The following GPRIN1 variants were observed in gnomAD, a reference collection of about 807,000 sequenced individuals.
GPRIN1 encodes G protein regulated inducer of neurite outgrowth 1.
Under a neutral mutation model 2.8 loss-of-function variants are expected in GPRIN1, and 4 were observed. The observed-to-expected ratio is 1.45, with a 90% CI of 0.71 to 3.32. GPRIN1 has a LOEUF of 3.32. Ranked by LOEUF, GPRIN1 falls within the 30% of genes most tolerant of loss-of-function variation. The probability of loss-of-function intolerance (pLI) is 0.01; values close to 1 mark genes in which losing one functional copy is unlikely to be tolerated. For synonymous variants in GPRIN1, 589 were observed against 589.9 expected, an observed-to-expected ratio of 1.00 and a Z score of 0.02; for missense variants, 1,322 against 1,343.4, an observed-to-expected ratio of 0.98 and a Z score of 0.25.
rs1446621190 is a variant in GPRIN1 at position 176,602,883 on chromosome 5, G to A, written c.-43-3006C>T. Among the ~76,000 whole-genome samples, 2 of 152,158 alleles carry A rather than the reference G, an allele frequency of 1.3e-5. No homozygotes were observed. Among genetic ancestry groups the A allele is most frequent in the Non-Finnish European group, 2.9e-5 (2 of 68,024 alleles). ...AGGCCAGGGGACAGCATCGCTACTG[G>A]GATCCCACGCGTGTAGCCAAGGAAA... is the stretch of plus-strand genomic sequence containing the variant. On this transcript the variant is annotated intron_variant, in intron 1 of 1. Transcript: ENST00000303991. The surrounding 1 kb of genome is among the most constrained non-coding windows in gnomAD (Gnocchi z 4.4).
chr5:176,607,302 AC>A (rs1260540984), intron 1 of GPRIN1, among the ~76,000 whole-genome samples: 3 of 151,820 alleles, frequency 2.0e-5, no homozygotes, highest in Non-Finnish European at 4.4e-5. Context: ...CCCCGCAACT[AC>A]CCCACTAGAA....
At chr5:176,604,467 C>T (rs1283113580) in intron 1 of GPRIN1, among the ~76,000 whole-genome samples, 2 of 152,068 alleles carry the variant, frequency 1.3e-5, no homozygotes, top group African/African-American at 2.4e-5. Flanking sequence ...CTCACTGCAG[C>T]CTTGACCTCC....
Position 176,599,362 on chromosome 5 carries a change from G to C in GPRIN1, c.473C>G (p.Ser158Ter). 6.2e-7 allele frequency: 1 copy of C among 1,614,218 alleles called. No individual in the cohort carries two copies. The highest frequency in any genetic ancestry group is 8.5e-7 in the Non-Finnish European group (1 of 1,180,040). The part of the protein sequence containing the change: ...MFLEKMDFKS[S>*]KQADSTSIGK... ...TATGGAAGTGGAATCGGCCTGCTTT[G>C]AGGACTTGAAATCCATCTTCTCTAA... is the stretch of plus-strand genomic sequence containing the variant. The change falls in exon 2 of 2, where the codon TCA becomes TGA. Residue 158 changes from serine to a stop codon, truncating the protein, a stop_gained. Coordinates refer to ENST00000303991, the MANE Select transcript of GPRIN1 (RefSeq NM_052899.3). LOFTEE classifies it low-confidence loss of function (END_TRUNC).
In GPRIN1 at chr5:176,598,028, C is replaced by G. The variant is rs1289321014; in HGVS notation, c.1807G>C (p.Glu603Gln). ...VSLGKAEAIP[E>Q]GKVGSLPLEK... ...AGAGGCAGAGAACCCACTTTTCCCT[C>G]TGGGATAGCTTCTGCTTTTCCCAGG... The change falls in exon 2 of 2, where the codon GAG becomes CAG. Residue 603 changes from glutamate to glutamine, a missense_variant. Glu to Gln is a conservative substitution (Grantham distance 29). This residue lies in a region of GPRIN1 where 1,117 missense variants were observed against 1,128.6 expected (regional missense o/e 0.99). Transcript: ENST00000303991. 6.2e-7 allele frequency: 1 copy of G among 1,614,060 alleles called. No homozygotes were observed. The highest frequency in any genetic ancestry group is 8.5e-7 in the Non-Finnish European group (1 of 1,179,998).
Position 176,599,544 on chromosome 5 carries a change from G to C in GPRIN1, c.291C>G (p.Thr97=). 2 of 1,593,850 alleles carry C rather than the reference G, an allele frequency of 1.3e-6. No individual in the cohort carries two copies. Among genetic ancestry groups the C allele is most frequent in the South Asian group, 2.3e-5 (2 of 88,312 alleles). The change falls in exon 2 of 2, where the codon ACC becomes ACG. Residue 97 remains threonine (T), a synonymous_variant. Transcript: ENST00000303991. The part of the protein sequence containing the change: ...PRGSLACPSP[T]CFSPQESPSK... ...AGGGTGACTCCTGGGGAGAGAAGCAGGTTGGGGAGGGGCAGGCCAGGCTCC... is the reference window on the plus strand; with the variant it reads ...AGGGTGACTCCTGGGGAGAGAAGCACGTTGGGGAGGGGCAGGCCAGGCTCC...
chr5:176,605,903 A>T (rs1561888861), intron 1 of GPRIN1, among the ~76,000 whole-genome samples: 1 of 152,158 alleles, frequency 6.6e-6, no homozygotes, highest in Non-Finnish European at 1.5e-5. Flanking sequence ...TCTGGAAAAC[A>T]GGAATTCAAC....
rs201171426 is a variant in GPRIN1 at position 176,598,333 on chromosome 5, C to T, written c.1502G>A (p.Gly501Glu). Residue 501 changes from glycine to glutamate, a missense_variant, in exon 2 of 2, where the codon GGG becomes GAG. Transcript: ENST00000303991. ...SSGPGDPRSL[G>E]TAGPPSAVKA... Reference sequence around the variant, plus strand: ...TACTGCAGATGGGGGACCTGCTGTCCCCAAGGACCTGGGATCGCCTGGACC... The same window carrying T: ...TACTGCAGATGGGGGACCTGCTGTCTCCAAGGACCTGGGATCGCCTGGACC... The T allele has an allele frequency of 4.3e-4, 691 of 1,613,692 alleles. 1 individual carries two copies. The highest frequency in any genetic ancestry group is 5.7e-4 in the Non-Finnish European group (673 of 1,179,754).
rs1363917386 is a variant in GPRIN1, at chr5:176,599,113, ACCTTTCTCAAAGACCCAGGATCCT to A, written c.698_721del (p.Glu233_Lys240del). 8 of 1,613,498 alleles carry A rather than the reference ACCTTTCTCAAAGACCCAGGATCCT, an allele frequency of 5.0e-6. No individual in the cohort carries two copies. The highest frequency in any genetic ancestry group is 1.3e-5 in the African/African-American group (1 of 74,806). On this transcript the variant is annotated inframe_deletion, in exon 2 of 2. Coordinates refer to ENST00000303991, the MANE Select transcript of GPRIN1 (RefSeq NM_052899.3). The stretch of plus-strand genomic sequence containing the variant: ...CACTTTGTCTGAGGACACAGGATCC[ACCTTTCTCAAAGACCCAGGATCCT>A]CCTTCCTCGGTGACACTGTATACGT...
chr5:176,608,625 T>G (rs754718346), intron 1 of GPRIN1, among the ~76,000 whole-genome samples: 47 of 152,184 alleles, frequency 3.1e-4, no homozygotes, highest in Non-Finnish European at 5.4e-4. Context: ...TTGTGCCTCG[T>G]GGGGGCTACT....
intron 1 of GPRIN1, among the ~76,000 whole-genome samples, chr5:176,606,910 A>C (rs1759227842): frequency 1.3e-5 from 2 of 152,194 alleles, no homozygotes; most frequent in African/African-American, 4.8e-5. Context: ...GCCCCTTCTG[A>C]AAGTCCCCAG....
At chr5:176,608,412 T>A (rs1470450866) in intron 1 of GPRIN1, among the ~76,000 whole-genome samples, 3 of 152,078 alleles carry the variant, frequency 2.0e-5, no homozygotes. Flanking sequence ...ACAGGTTGAG[T>A]GTGGCCTGAC....
At position 176,599,648 on chromosome 5, in the gene GPRIN1, G is replaced by C. The variant is rs774967158; in HGVS notation, c.187C>G (p.Gln63Glu). ...SPAPPRHTPD[Q>E]SPGMESRHRS... ...TGTCTAGACTCCATGCCTGGGCTTT[G>C]GTCAGGGGTGTGCCTGGGGGGTGCA... Residue 63 changes from glutamine (Q) to glutamate (E), a missense_variant, in exon 2 of 2, where the codon CAA becomes GAA. Coordinates refer to ENST00000303991, the MANE Select transcript of GPRIN1 (RefSeq NM_052899.3). The C allele has an allele frequency of 3.9e-6, 6 of 1,551,284 alleles. No individual in the cohort carries two copies. The Admixed American group carries it at 1.2e-4, about 31-fold the overall frequency.
intron 1 of GPRIN1, among the ~76,000 whole-genome samples, chr5:176,603,589 G>A (rs1759179205): frequency 6.6e-6 from 1 of 152,186 alleles, no homozygotes; most frequent in South Asian, 2.1e-4. Context: ...TCACTAAGAG[G>A]GAACACAGGA....
Position 176,599,676 on chromosome 5 carries a change from G to C in GPRIN1, c.159C>G (p.Ser53Arg). The part of the protein sequence containing the change: ...RDYCPSQQKA[S>R]PAPPRHTPDQ... ...CAGGGGTGTGCCTGGGGGGTGCAGGGCTTGCCTTTTGCTGGGAGGGGCAGT... is the reference window on the plus strand; with the variant it reads ...CAGGGGTGTGCCTGGGGGGTGCAGGCCTTGCCTTTTGCTGGGAGGGGCAGT... The change falls in exon 2 of 2, where the codon AGC becomes AGG. Residue 53 changes from serine to arginine, a missense_variant. By Grantham distance (110) the Ser-to-Arg change is moderately radical. This residue lies in a region of GPRIN1 where 1,117 missense variants were observed against 1,128.6 expected (regional missense o/e 0.99). Coordinates refer to ENST00000303991, the MANE Select transcript of GPRIN1 (RefSeq NM_052899.3). 6.4e-7 allele frequency: 1 copy of C among 1,569,048 alleles called. No individual in the cohort carries two copies. The highest frequency in any genetic ancestry group is 8.6e-7 in the Non-Finnish European group (1 of 1,156,122).
chr5:176,601,925 ATCT>A (rs1321318160), intron 1 of GPRIN1, among the ~76,000 whole-genome samples: 1 of 152,020 alleles, frequency 6.6e-6, no homozygotes, highest in Non-Finnish European at 1.5e-5. Context: ...AGCCAGAGGG[ATCT>A]TAGTAAAACC....
At chr5:176,601,242 G>A (rs1306514145) in intron 1 of GPRIN1, among the ~76,000 whole-genome samples, 1 of 152,212 alleles carries the variant, frequency 6.6e-6, no homozygotes, top group East Asian at 1.9e-4. Context: ...GGATGGTATG[G>A]AGGCTGGGCT....
Position 176,598,117 on chromosome 5 carries a change from C to G in GPRIN1, c.1718G>C (p.Gly573Ala). Reference sequence around the variant, plus strand: ...TTTTCCTGGAGTTGAGACCACTTTACCTATAGACACAGAGTCCCCTTGTCC... The same window carrying G: ...TTTTCCTGGAGTTGAGACCACTTTAGCTATAGACACAGAGTCCCCTTGTCC... ...PSGQGDSVSI[G>A]KVVSTPGKTV... The change falls in exon 2 of 2, where the codon GGT (glycine) becomes GCT (alanine). Residue 573 changes from glycine (G) to alanine (A), a missense_variant. This residue lies in a region of GPRIN1 where 1,117 missense variants were observed against 1,128.6 expected (regional missense o/e 0.99). Transcript: ENST00000303991. 1 of 1,613,144 alleles carries G rather than the reference C, an allele frequency of 6.2e-7. No homozygotes were observed. The highest frequency in any genetic ancestry group is 1.1e-5 in the South Asian group (1 of 91,076).
chr5:176,597,852 CTTT>C lies in GPRIN1; in HGVS notation c.1980_1982del (p.Lys661del). On this transcript the variant is annotated inframe_deletion, in exon 2 of 2. Transcript: ENST00000303991. This position sits in a 1 kb window ranked among gnomAD's most constrained non-coding sequence, Gnocchi z 6.1. ...CCTTCTCTGAGGCCTGTGGTGTCTC[CTTT>C]TTCAAACACACAGCCCCTGCTTCCC... 1 of 1,613,166 alleles carries C rather than the reference CTTT, an allele frequency of 6.2e-7. No homozygotes were observed.
Position 176,599,554 on chromosome 5 carries a change from G to C in GPRIN1, c.281C>G (p.Pro94Arg), listed in dbSNP as rs1240825892. Reference protein sequence around the residue: ...SDGPRGSLACPSPTCFSPQES... With the variant: ...SDGPRGSLACRSPTCFSPQES... ...CTGGGGAGAGAAGCAGGTTGGGGAG[G>C]GGCAGGCCAGGCTCCCTCTGGGGCC... Residue 94 changes from proline to arginine, a missense_variant, in exon 2 of 2, where the codon CCC becomes CGC. Pro to Arg is a moderately radical substitution (Grantham distance 103, BLOSUM62 -2). Around this residue, in one of 3 missense-constraint regions of GPRIN1, gnomAD observed 1,117 missense variants for 1,128.6 expected, o/e 0.99. Coordinates refer to ENST00000303991, the MANE Select transcript of GPRIN1 (RefSeq NM_052899.3). 6.3e-7 allele frequency: 1 copy of C among 1,586,152 alleles called. No individual in the cohort carries two copies. Among genetic ancestry groups the C allele is most frequent in the Non-Finnish European group, 8.6e-7 (1 of 1,166,618 alleles).
Sources: allele counts gnomAD v4.1 joint callset (sites outside exome capture counted in the v4.1 genomes callset), GRCh38; gene constraint gnomAD v4.1.1; regional missense constraint gnomAD v4.1.1; non-coding constraint Gnocchi (gnomAD v3.1); transcripts MANE v1.5; gene names NCBI Gene and HGNC (gene_info 2026-07-23, HGNC 2026-07-21).